The following LSR variants were observed in gnomAD, a reference collection of about 807,000 sequenced individuals.
LSR encodes the protein lipolysis-stimulated lipoprotein receptor.
A neutral mutation model predicts 61.8 loss-of-function variants in LSR; 44 were observed. That is an observed-to-expected ratio of 0.71 (90% CI 0.56 to 0.91). LSR has a LOEUF of 0.91. Among genes scored for constraint, LSR ranks in the 40% least tolerant of loss-of-function variants. The probability of loss-of-function intolerance (pLI) is 0.00; values close to 1 mark genes in which losing one functional copy is unlikely to be tolerated. For synonymous variants in LSR, 397 were observed against 350.6 expected (o/e 1.13, Z -1.48); for missense variants, 911 against 830.5 (o/e 1.10, Z -1.19).
chr19:35,249,298 C>G lies in LSR; in HGVS notation c.109+167C>G. The G allele has an allele frequency of 3.7e-6, 3 of 812,636 alleles. No individual in the cohort carries two copies. The East Asian group carries it at 9.3e-5, about 25-fold the overall frequency. 50.3% of individuals were successfully genotyped at this position (812,636 alleles called of 1,614,324 possible). The stretch of plus-strand genomic sequence containing the variant: ...GTTGCGCGCGGGAGTGAGAGGAATT[C>G]CCCATTTGTGCCGGGGAGCGCTCCC... On this transcript the variant is annotated intron_variant, in intron 1 of 9. Coordinates refer to ENST00000605618, the MANE Select transcript of LSR (RefSeq NM_205834.4).
intron 2 of LSR, among the ~76,000 whole-genome samples, chr19:35,258,361 G>A (rs923329415): frequency 6.6e-6 from 1 of 152,030 alleles, no homozygotes; most frequent in Non-Finnish European, 1.5e-5. Context: ...CAGGAGAATT[G>A]CTTGAATCTG....
intron 2 of LSR, among the ~76,000 whole-genome samples, chr19:35,258,405 C>T (rs1322429416): frequency 3.3e-5 from 5 of 151,772 alleles, no homozygotes; most frequent in African/African-American, 9.7e-5. Context: ...GAGATTAGTT[C>T]GCACCATTGC....
intron 5 of LSR, chr19:35,263,051 G>A (rs189349240): frequency 1.2e-4 from 22 of 184,390 alleles, no homozygotes; most frequent in African/African-American, 4.2e-4. Context: ...AGGCCAAGAC[G>A]AGTGGATCAC....
chr19:35,267,273 C>T lies in LSR; in HGVS notation c.1309C>T (p.Arg437Trp). 1.3e-6 allele frequency: 2 copies of T among 1,513,690 alleles called. No individual in the cohort carries two copies. Among genetic ancestry groups the T allele is most frequent in the South Asian group, 1.3e-5 (1 of 78,368 alleles). 93.8% of individuals were successfully genotyped at this position (1,513,690 alleles called of 1,614,324 possible). A position where few individuals can be genotyped will look rare whatever the true frequency, so the allele number is the denominator to read the frequency against. The change falls in exon 9 of 10, where the codon CGG (arginine) becomes TGG (tryptophan). Residue 437 changes from arginine (R) to tryptophan (W), a missense_variant. By Grantham distance (101) the Arg-to-Trp change is moderately radical. Coordinates refer to ENST00000605618, the MANE Select transcript of LSR (RefSeq NM_205834.4). Reference sequence around the variant, plus strand: ...CAGGGAGCAGGCAGGCGGGGGCTGGCGGGCCAGGCGGCCCCGGGCCCGCTC... The same window carrying T: ...CAGGGAGCAGGCAGGCGGGGGCTGGTGGGCCAGGCGGCCCCGGGCCCGCTC... ...PAREQAGGGW[R>W]ARRPRARSVD...
chr19:35,253,943 C>G (rs895288669), intron 2 of LSR, among the ~76,000 whole-genome samples: 3 of 152,166 alleles, frequency 2.0e-5, no homozygotes, highest in Non-Finnish European at 4.4e-5. Flanking sequence ...AAACCACCCC[C>G]ACCTGGGCCT....
Position 35,250,430 on chromosome 19 carries a change from C to T in LSR, c.225C>T (p.Ile75=), listed in dbSNP as rs370290187. ...TGACCTCGACCCCCACGCAACCCAT[C>T]GTCATCTGGAAGTACAAGTCTTTCT... The part of the protein sequence containing the change: ...YQMTSTPTQP[I]VIWKYKSFCR... Residue 75 remains isoleucine (I), a synonymous_variant, in exon 2 of 10, where the codon ATC becomes ATT. Transcript: ENST00000605618. The T allele has an allele frequency of 4.6e-5, 75 of 1,613,904 alleles. No individual in the cohort carries two copies. The highest frequency in any genetic ancestry group is 1.5e-4 in the Admixed American group (9 of 59,992).
At chr19:35,261,330 A>G (rs568007463) in intron 3 of LSR, among the ~76,000 whole-genome samples, 1 of 152,334 alleles carries the variant, frequency 6.6e-6, no homozygotes, top group East Asian at 1.9e-4. Flanking sequence ...TGTTGTCACA[A>G]AGAGTTTATT....
At chr19:35,259,109 C>A in intron 3 of LSR, 45 bp downstream of exon 3, 5 of 1,590,676 alleles carry the variant, frequency 3.1e-6, no homozygotes, top group Non-Finnish European at 4.3e-6. Flanking sequence ...TCCTTTTGTC[C>A]GCTTCTGTTC....
At chr19:35,266,334 TCTC>T (rs764427093) in intron 5 of LSR, 22 bp from the exon 6 acceptor site, 16 of 1,543,286 alleles carry the variant, frequency 1.0e-5, no homozygotes, top group Non-Finnish European at 1.8e-6. Flanking sequence ...TCATCCCCCT[TCTC>T]CTGTTGATTG....
In LSR at chr19:35,266,346, T is replaced by C; in HGVS notation, c.779-13T>C. The stretch of plus-strand genomic sequence containing the variant: ...GCCTCATCCCCCTTCTCCTGTTGAT[T>C]GTGTCCTCACAGTGTATGCCGCCGG... On this transcript the variant is annotated splice_polypyrimidine_tract_variant and intron_variant, in intron 5 of 9. Transcript: ENST00000605618. The C allele has an allele frequency of 6.4e-7, 1 of 1,557,434 alleles. No individual in the cohort carries two copies. The highest frequency in any genetic ancestry group is 1.2e-5 in the South Asian group (1 of 82,326).
Position 35,258,932 on chromosome 19 carries a change from C to G in LSR, c.455-13C>G. 1 of 1,613,696 alleles carries G rather than the reference C, an allele frequency of 6.2e-7. No individual in the cohort carries two copies. The highest frequency in any genetic ancestry group is 8.5e-7 in the Non-Finnish European group (1 of 1,179,884). On this transcript the variant is annotated splice_polypyrimidine_tract_variant and intron_variant, in intron 2 of 9. Transcript: ENST00000605618. ...CCTCCAAGGTGCCCTCACGCCTTTT[C>G]ATCCCGACTCAGATGCTGACCTGAC...
intron 2 of LSR, among the ~76,000 whole-genome samples, chr19:35,255,024 A>C (rs1050677345): frequency 3.9e-5 from 6 of 152,114 alleles, no homozygotes; most frequent in Admixed American, 3.3e-4. Flanking sequence ...CTTGAGCTCC[A>C]GTGTTGAAGA....
rs568110003 is a variant in LSR, at chr19:35,261,910, C to T, written c.575-15C>T. 11 of 1,447,476 alleles carry T rather than the reference C, an allele frequency of 7.6e-6. No individual in the cohort carries two copies. Among genetic ancestry groups the T allele is most frequent in the African/African-American group, 3.0e-5 (2 of 67,340 alleles). 89.7% of individuals were successfully genotyped at this position (1,447,476 alleles called of 1,614,324 possible). On this transcript the variant is annotated splice_polypyrimidine_tract_variant and intron_variant, in intron 3 of 9. Coordinates refer to ENST00000605618, the MANE Select transcript of LSR (RefSeq NM_205834.4). ...GCTCTGGCCAGCATAATCTGTTTCT[C>T]TTTTGTCCCTCCAGGGAGGACCTCA...
Position 35,266,532 on chromosome 19 carries a change from G to C in LSR, c.952G>C (p.Ala318Pro), listed in dbSNP as rs765720719. ...TGGAGACGTTGACAGGAGTAGCTCA[G>C]GTGAGGCCGGGGGAAGCAGGAACAG... Reference protein sequence around the residue: ...YPGDVDRSSSAGGQGSYVPLL... With the variant: ...YPGDVDRSSSPGGQGSYVPLL... Residue 318 changes from alanine (A) to proline (P), a missense_variant and splice_region_variant, in exon 6 of 10, where the codon GCT (alanine) becomes CCT (proline). Transcript: ENST00000605618. The C allele has an allele frequency of 2.0e-5, 32 of 1,600,576 alleles. 1 individual carries two copies. The highest frequency in any genetic ancestry group is 1.8e-4 in the South Asian group (16 of 89,400).
At position 35,267,884 on chromosome 19, in the gene LSR, G is replaced by C. The variant is rs2066050163; in HGVS notation, c.*25G>C. ...ATCTGACGTTTTCTACGTAGCTTTT[G>C]TATTTTTTTTTTTAATTTGAAGGAA... is the stretch of plus-strand genomic sequence containing the variant. On this transcript the variant is annotated 3_prime_UTR_variant, in exon 10 of 10. Transcript: ENST00000605618. 8 of 1,611,250 alleles carry C rather than the reference G, an allele frequency of 5.0e-6. No individual in the cohort carries two copies. In the East Asian group the frequency reaches 1.6e-4, roughly 31 times the overall value.
chr19:35,259,225 T>C, intron 3 of LSR, 161 bp downstream of exon 3: 1 of 867,610 alleles, frequency 1.2e-6, no homozygotes, highest in Non-Finnish European at 1.7e-6. Context: ...GGCTCCCCTG[T>C]GCCCTGCACC....
Position 35,266,444 on chromosome 19 carries a change from C to T in LSR, c.864C>T (p.Thr288=), listed in dbSNP as rs2065999862. ...ATGCCCACCTGTCTCCCGCCAAGACCCCACCCCCACCAGCTATGATTCCCA... is the reference window on the plus strand; with the variant it reads ...ATGCCCACCTGTCTCCCGCCAAGACTCCACCCCCACCAGCTATGATTCCCA... ...STYAHLSPAK[T]PPPPAMIPMG... Residue 288 remains threonine, a synonymous_variant, in exon 6 of 10, where the codon ACC becomes ACT. Coordinates refer to ENST00000605618, the MANE Select transcript of LSR (RefSeq NM_205834.4). The T allele has an allele frequency of 5.6e-6, 9 of 1,612,780 alleles. No homozygotes were observed. Among genetic ancestry groups the T allele is most frequent in the Non-Finnish European group, 7.6e-6 (9 of 1,179,228 alleles).
At chr19:35,264,350 T>C (rs997554954) in intron 5 of LSR, 2 of 151,974 alleles carry the variant, frequency 1.3e-5, no homozygotes, top group African/African-American at 4.8e-5. Flanking sequence ...ACATGTGCAA[T>C]TGAAAAAGAC....
At chr19:35,256,283 CAGAA>C (rs1412443926) in intron 2 of LSR, among the ~76,000 whole-genome samples, 11 of 151,242 alleles carry the variant, frequency 7.3e-5, no homozygotes, top group African/African-American at 2.7e-4. Context: ...TCATAGGCAG[CAGAA>C]TGAGAAAAGT....
Sources: gnomAD v4.1 joint callset for allele counts (sites outside exome capture counted in the v4.1 genomes callset) on GRCh38, gnomAD v4.1.1 for gene constraint, MANE v1.5 for transcripts, NCBI Gene and HGNC (gene_info 2026-07-23, HGNC 2026-07-21) for gene names.